The following RPTOR variants were observed in gnomAD, a reference collection of about 807,000 sequenced individuals.
RPTOR encodes the protein regulatory-associated protein of mTOR.
RPTOR carries 21 observed loss-of-function variants against 169.9 expected under a neutral mutation model. The ratio of observed to expected loss-of-function variants is 0.12; its 90% confidence interval spans 0.09 to 0.18. RPTOR has a LOEUF of 0.18. RPTOR is among the 10% of genes least tolerant of loss of function. The pLI, the probability that RPTOR is intolerant of heterozygous loss-of-function variation, is 1.00. For missense variants in RPTOR, 1,133 were observed against 1,855.9 expected (o/e 0.61, Z 7.16); for synonymous variants, 732 against 753.2 (o/e 0.97, Z 0.46).
Position 80,812,794 on chromosome 17 carries a change from G to A in RPTOR, c.891-9407G>A, listed in dbSNP as rs181322115. ...TGAATCACCTCATCTGCCGTTACCCGCAAGGGAGCCCGTGCTGTTCTCAAA... is the reference window on the plus strand; with the variant it reads ...TGAATCACCTCATCTGCCGTTACCCACAAGGGAGCCCGTGCTGTTCTCAAA... On this transcript the variant is annotated intron_variant, in intron 7 of 33. Transcript: ENST00000306801. 1.6e-4 allele frequency among the ~76,000 whole-genome samples: 24 copies of A among 152,344 alleles called. No individual in the cohort carries two copies. The East Asian group carries it at 3.9e-3, about 24-fold the overall frequency.
chr17:80,949,422 C>T (rs543769607), intron 27 of RPTOR, 21 bp from the exon 28 acceptor site: 1 of 1,601,504 alleles, frequency 6.2e-7, no homozygotes, highest in Non-Finnish European at 8.6e-7. Flanking sequence ...GGTTCACATC[C>T]TTTCCTCTCT....
chr17:80,753,943 A>G (rs1224110043), intron 5 of RPTOR, 67 bp from the exon 6 acceptor site: 2 of 1,358,272 alleles, frequency 1.5e-6, no homozygotes, highest in Non-Finnish European at 2.1e-6. Context: ...TTACAGCTGC[A>G]GCTTACTATT....
intron 20 of RPTOR, among the ~76,000 whole-genome samples, chr17:80,900,524 C>G (rs577547651): frequency 2.6e-5 from 4 of 152,340 alleles, no homozygotes; most frequent in Admixed American, 2.6e-4. Flanking sequence ...CCAAGTTGGT[C>G]AGGCTGGTCT....
At chr17:80,791,169 G>T (rs562802692) in intron 6 of RPTOR, among the ~76,000 whole-genome samples, 1 of 152,288 alleles carries the variant, frequency 6.6e-6, no homozygotes, top group East Asian at 1.9e-4. Context: ...AAGCATCTCG[G>T]CGCTCCTCTC....
At chr17:80,652,414 T>C (rs1010197182) in intron 3 of RPTOR, among the ~76,000 whole-genome samples, 3 of 152,198 alleles carry the variant, frequency 2.0e-5, no homozygotes, top group African/African-American at 7.2e-5. Flanking sequence ...ATGTGGCCTT[T>C]TGCGTCTGGG....
chr17:80,932,691 G>C (rs1040989237), intron 24 of RPTOR, among the ~76,000 whole-genome samples: 39 of 152,134 alleles, frequency 2.6e-4, no homozygotes, highest in African/African-American at 9.4e-4. Context: ...ACTACAAAGA[G>C]TGGGAAAAAA....
intron 31 of RPTOR, 147 bp from the exon 32 acceptor site, chr17:80,962,314 G>A: frequency 1.5e-6 from 1 of 674,606 alleles, no homozygotes; most frequent in Non-Finnish European, 2.6e-6. Flanking sequence ...CCCTCACTGG[G>A]GACGCTGAGC....
chr17:80,700,963 T>C (rs1218455763), intron 3 of RPTOR, among the ~76,000 whole-genome samples: 1 of 151,888 alleles, frequency 6.6e-6, no homozygotes, highest in Non-Finnish European at 1.5e-5. Flanking sequence ...CAGGATGCAA[T>C]GATTGATGAC....
At position 80,698,550 on chromosome 17, in the gene RPTOR, G is replaced by A. The variant is rs2066056945; in HGVS notation, c.349-9291G>A. 1.3e-5 allele frequency among the ~76,000 whole-genome samples: 2 copies of A among 152,256 alleles called. 1 individual carries two copies. Among genetic ancestry groups the A allele is most frequent in the South Asian group, 4.1e-4 (2 of 4,830 alleles). The stretch of plus-strand genomic sequence containing the variant: ...AAGTGGAAAGAGCTGGAGTTACGTG[G>A]GGGCACCTTCCATCCTAGGCCGGCA... On this transcript the variant is annotated intron_variant, in intron 3 of 33. Transcript: ENST00000306801.
intron 4 of RPTOR, among the ~76,000 whole-genome samples, chr17:80,710,327 T>C (rs2066177631): frequency 6.6e-6 from 1 of 151,946 alleles, no homozygotes; most frequent in Non-Finnish European, 1.5e-5. Context: ...CTTCTTGTCT[T>C]GGTGTGCTGG....
chr17:80,612,528 C>T (rs148501285), intron 1 of RPTOR, among the ~76,000 whole-genome samples: 107 of 152,300 alleles, frequency 7.0e-4, no homozygotes, highest in African/African-American at 2.4e-3. Context: ...CTTCCAGTGT[C>T]GAATTATCTG....
At chr17:80,829,752 A>G (rs1204976273) in intron 9 of RPTOR, among the ~76,000 whole-genome samples, 1 of 152,144 alleles carries the variant, frequency 6.6e-6, no homozygotes, top group East Asian at 1.9e-4. Context: ...GTGCGTGTCC[A>G]AGGGTCCTCT....
intron 19 of RPTOR, among the ~76,000 whole-genome samples, chr17:80,893,380 G>T (rs2068354687): frequency 6.9e-6 from 1 of 145,748 alleles, no homozygotes; most frequent in African/African-American, 2.6e-5. Context: ...GTGCACAAGG[G>T]TGTGTGCATG....
intron 25 of RPTOR, among the ~76,000 whole-genome samples, chr17:80,944,913 C>T (rs2069080051): frequency 6.6e-6 from 1 of 151,614 alleles, no homozygotes; most frequent in Non-Finnish European, 1.5e-5. Context: ...ATCGCTTGAA[C>T]CCAGGAGGCA....
intron 9 of RPTOR, among the ~76,000 whole-genome samples, chr17:80,825,335 CCT>C (rs1286514464): frequency 6.6e-6 from 1 of 152,232 alleles, no homozygotes. Context: ...CCACATCCCA[CCT>C]CTCCATCTAG....
At chr17:80,631,520 C>T (rs1008230685) in intron 2 of RPTOR, among the ~76,000 whole-genome samples, 2 of 152,154 alleles carry the variant, frequency 1.3e-5, no homozygotes, top group Non-Finnish European at 2.9e-5. Context: ...CGGGCTTTCT[C>T]GGAGAGGACG....
chr17:80,546,535 C>G (rs1599536904), intron 1 of RPTOR, among the ~76,000 whole-genome samples: 1 of 151,882 alleles, frequency 6.6e-6, no homozygotes, highest in East Asian at 1.9e-4. Flanking sequence ...AAACACCCAT[C>G]TATTTCCTGG....
intron 7 of RPTOR, among the ~76,000 whole-genome samples, chr17:80,808,300 C>G (rs564175134): frequency 1.2e-4 from 18 of 152,146 alleles, no homozygotes; most frequent in Non-Finnish European, 2.1e-4. Flanking sequence ...TGACATGCCC[C>G]TGTAGTCCCA....
At chr17:80,606,768 C>A (rs2065232263) in intron 1 of RPTOR, among the ~76,000 whole-genome samples, 2 of 151,558 alleles carry the variant, frequency 1.3e-5, no homozygotes, top group Non-Finnish European at 2.9e-5. Context: ...CACCTACCTA[C>A]CCTTCCGTCT....
Sources: gnomAD v4.1 joint callset for allele counts (sites outside exome capture counted in the v4.1 genomes callset) on GRCh38, gnomAD v4.1.1 for gene constraint, MANE v1.5 for transcripts, NCBI Gene and HGNC (gene_info 2026-07-23, HGNC 2026-07-21) for gene names.